The following DNAI4 variants were observed in gnomAD, a reference collection of about 807,000 sequenced individuals.
DNAI4 encodes WD repeat domain 78.
DNAI4 carries 85 observed loss-of-function variants against 105.8 expected under a neutral mutation model. The observed-to-expected ratio is 0.80, with a 90% CI of 0.67 to 0.96. DNAI4 has a LOEUF of 0.96. DNAI4 is among the 40% of genes least tolerant of loss of function. The probability of loss-of-function intolerance (pLI) is 0.00; values close to 1 mark genes in which losing one functional copy is unlikely to be tolerated. For synonymous variants in DNAI4, 352 were observed against 331.5 expected (o/e 1.06, Z -0.67); for missense variants, 1,014 against 1,005.6 (o/e 1.01, Z -0.11).
At chr1:66,843,084 T>A (rs1161433524) in intron 8 of DNAI4, among the ~76,000 whole-genome samples, 1 of 151,116 alleles carries the variant, frequency 6.6e-6, no homozygotes, top group African/African-American at 2.4e-5. Flanking sequence ...CCTGTGGTCT[T>A]AGCTACCCGG....
chr1:66,887,242 T>C (rs1647237948), intron 4 of DNAI4, among the ~76,000 whole-genome samples: 1 of 152,244 alleles, frequency 6.6e-6, no homozygotes, highest in South Asian at 2.1e-4. Flanking sequence ...CTCCAGTTTA[T>C]GGTAAGTAAC....
rs142346839 is a variant in DNAI4 at position 66,876,362 on chromosome 1, T to G, written c.644-1425A>C. The stretch of plus-strand genomic sequence containing the variant: ...TACTGTTAGACCACCAGATCTTCCT[T>G]TGCAATTTAGTTATATAAACTTCAA... On this transcript the variant is annotated intron_variant, in intron 4 of 16. Transcript: ENST00000371026. Among the ~76,000 whole-genome samples, 191 of 152,264 alleles carry G rather than the reference T, an allele frequency of 1.3e-3. 8 individuals are homozygous for G. In the East Asian group the frequency reaches 0.035, roughly 28 times the overall value.
At chr1:66,863,800 T>C (rs184392493) in intron 6 of DNAI4, among the ~76,000 whole-genome samples, 100 of 152,338 alleles carry the variant, frequency 6.6e-4, no homozygotes, top group Admixed American at 6.5e-3. Context: ...ATGATATTTA[T>C]ATCTTAATGA....
At chr1:66,902,590 C>CT (rs1260228095) in intron 2 of DNAI4, among the ~76,000 whole-genome samples, 8 of 152,194 alleles carry the variant, frequency 5.3e-5, no homozygotes, top group South Asian at 2.1e-4. Context: ...TTTTCTTTAG[C>CT]TGCATATGCT....
At chr1:66,903,391 T>C (rs1364727141) in intron 2 of DNAI4, among the ~76,000 whole-genome samples, 7 of 152,226 alleles carry the variant, frequency 4.6e-5, no homozygotes, top group Admixed American at 3.9e-4. Flanking sequence ...TCCTGCAACT[T>C]TGCAGAATTT....
intron 16 of DNAI4, among the ~76,000 whole-genome samples, chr1:66,817,335 C>G (rs142927231): frequency 4.6e-5 from 7 of 152,218 alleles, no homozygotes; most frequent in African/African-American, 9.6e-5. Flanking sequence ...CACTTGAGGA[C>G]GCTTAGGTGG....
chr1:66,889,291 A>G (rs1647392503), intron 4 of DNAI4, among the ~76,000 whole-genome samples: 1 of 152,166 alleles, frequency 6.6e-6, no homozygotes, highest in Non-Finnish European at 1.5e-5. Flanking sequence ...GAAATTTTTT[A>G]CCTTCCTGAA....
intron 16 of DNAI4, among the ~76,000 whole-genome samples, chr1:66,819,619 C>A (rs957906219): frequency 6.6e-6 from 1 of 151,818 alleles, no homozygotes; most frequent in Non-Finnish European, 1.5e-5. Flanking sequence ...AATAAGTGTA[C>A]GAAATACTGC....
intron 8 of DNAI4, among the ~76,000 whole-genome samples, chr1:66,846,499 T>A (rs1646278429): frequency 6.6e-6 from 1 of 152,122 alleles, no homozygotes; most frequent in South Asian, 2.1e-4. Flanking sequence ...CAACTAAAAG[T>A]ACTAAGGCAG....
At chr1:66,838,024 C>T (rs1002332937) in intron 9 of DNAI4, among the ~76,000 whole-genome samples, 29 of 152,124 alleles carry the variant, frequency 1.9e-4, no homozygotes, top group African/African-American at 6.7e-4. Flanking sequence ...AGATAAGCAC[C>T]TAAAAATAAC....
intron 2 of DNAI4, among the ~76,000 whole-genome samples, chr1:66,896,511 C>T (rs904600147): frequency 2.6e-5 from 4 of 152,080 alleles, no homozygotes; most frequent in African/African-American, 9.7e-5. Flanking sequence ...GAAATGTGGT[C>T]CCAATGCAGC....
In DNAI4 at chr1:66,826,970, A is replaced by G. The variant is rs111866173; in HGVS notation, c.2189T>C (p.Ile730Thr). The change falls in exon 15 of 17, where the codon ATT becomes ACT. Residue 730 changes from isoleucine to threonine, a missense_variant. Ile to Thr is a moderately conservative substitution (Grantham distance 89). Transcript: ENST00000371026. ...CTTGACATTCTCCTGTTGCCATATAATAACACCCCAATCTGCAGAACAGCT... is the reference window on the plus strand; with the variant it reads ...CTTGACATTCTCCTGTTGCCATATAGTAACACCCCAATCTGCAGAACAGCT... ...FLSCSADWGV[I>T]IWQQENVKPS... The G allele has an allele frequency of 1.2e-6, 2 of 1,614,182 alleles. No individual in the cohort carries two copies. The highest frequency in any genetic ancestry group is 1.3e-5 in the African/African-American group (1 of 75,058).
chr1:66,836,355 G>T (rs1646027356), intron 10 of DNAI4, among the ~76,000 whole-genome samples: 1 of 151,700 alleles, frequency 6.6e-6, no homozygotes, highest in Admixed American at 6.6e-5. Flanking sequence ...GAGGAAAGTA[G>T]GAAGGGAAGT....
chr1:66,870,707 C>G (rs1000967345), intron 6 of DNAI4: 4 of 115,156 alleles, frequency 3.5e-5, no homozygotes, highest in Non-Finnish European at 4.9e-5. Context: ...CAAGATTGTG[C>G]TATTGCATTC....
chr1:66,862,164 C>T lies in DNAI4; in HGVS notation c.1079G>A (p.Gly360Glu). 6.3e-7 allele frequency: 1 copy of T among 1,581,254 alleles called. No individual in the cohort carries two copies. Among genetic ancestry groups the T allele is most frequent in the Non-Finnish European group, 8.6e-7 (1 of 1,168,896 alleles). Residue 360 changes from glycine to glutamate, a missense_variant, in exon 7 of 17, where the codon GGG becomes GAG. Gly to Glu is a moderately conservative substitution (Grantham distance 98, BLOSUM62 -2). Coordinates refer to ENST00000371026, the MANE Select transcript of DNAI4 (RefSeq NM_024763.5). ...AATCTTACTTTTTTCTGTAGTGCTCCCTGGCAATCTTTGGTCCTGATCTTT... is the reference window on the plus strand; with the variant it reads ...AATCTTACTTTTTTCTGTAGTGCTCTCTGGCAATCTTTGGTCCTGATCTTT... ...LPKDQDQRLP[G>E]STTEKNSETS... is the part of the protein sequence containing the mutation.
rs562512736 is a variant in DNAI4 at position 66,857,451 on chromosome 1, G to A, written c.1096+4696C>T. Among the ~76,000 whole-genome samples the A allele has an allele frequency of 2.9e-4, 44 of 151,500 alleles. 1 individual carries two copies. The highest frequency in any genetic ancestry group is 4.6e-4 in the Non-Finnish European group (31 of 67,894). On this transcript the variant is annotated intron_variant, in intron 7 of 16. Coordinates refer to ENST00000371026, the MANE Select transcript of DNAI4 (RefSeq NM_024763.5). ...GTATACATATGTAACAAAACTGCAC[G>A]TTGTGCACATGTGCCCTATAACTTA...
intron 7 of DNAI4, among the ~76,000 whole-genome samples, chr1:66,849,571 C>T (rs189156138): frequency 6.6e-6 from 1 of 152,254 alleles, no homozygotes; most frequent in Admixed American, 6.5e-5. Context: ...CCCCTATACA[C>T]CAACATCAAT....
At chr1:66,924,604 G>T in intron 1 of DNAI4, 58 bp downstream of exon 1, 1 of 1,612,126 alleles carries the variant, frequency 6.2e-7, no homozygotes, top group South Asian at 1.1e-5. Flanking sequence ...TCTATTAATA[G>T]AAGGGCTCCC....
chr1:66,912,975 T>G, intron 1 of DNAI4, among the ~76,000 whole-genome samples: 1 of 152,206 alleles, frequency 6.6e-6, no homozygotes. Context: ...AACTCCCTTT[T>G]TTTTGGAGTT....
Sources: allele counts gnomAD v4.1 joint callset (sites outside exome capture counted in the v4.1 genomes callset), GRCh38; gene constraint gnomAD v4.1.1; transcripts MANE v1.5; gene names NCBI Gene and HGNC (gene_info 2026-07-23, HGNC 2026-07-21).